IL12B: variants seen among roughly 807,000 people sequenced by gnomAD.
The protein encoded by IL12B is interleukin 12B.
Under a neutral mutation model 39.2 loss-of-function variants are expected in IL12B, and 27 were observed. That is an observed-to-expected ratio of 0.69 (90% CI 0.51 to 0.95). The LOEUF (loss-of-function observed/expected upper bound fraction) is 0.95. IL12B is among the 40% of genes least tolerant of loss of function. The pLI is 0.00. For missense variants in IL12B, 351 were observed against 397.6 expected (o/e 0.88, Z 1.00); for synonymous variants, 142 against 152.1 (o/e 0.93, Z 0.49).
intron 2 of IL12B, among the ~76,000 whole-genome samples, chr5:159,324,658 T>G (rs2113032778): frequency 6.6e-6 from 1 of 152,326 alleles, no homozygotes; most frequent in East Asian, 1.9e-4. Flanking sequence ...CTTGTGGCCT[T>G]TGGCAAGACA....
intron 3 of IL12B, 105 bp downstream of exon 3, chr5:159,322,948 AT>A: frequency 9.0e-7 from 1 of 1,112,840 alleles, no homozygotes; most frequent in Admixed American, 1.8e-5. Context: ...CTTGATGTTA[AT>A]TCATTACACT....
At chr5:159,321,661 T>C (rs1295238058) in intron 4 of IL12B, among the ~76,000 whole-genome samples, 2 of 152,142 alleles carry the variant, frequency 1.3e-5, no homozygotes, top group Admixed American at 6.5e-5. Context: ...CCTCTGCTGA[T>C]TATGTCTTTA....
At chr5:159,326,301 G>T (rs1754187555) in intron 2 of IL12B, among the ~76,000 whole-genome samples, 1 of 152,208 alleles carries the variant, frequency 6.6e-6, no homozygotes, top group Non-Finnish European at 1.5e-5. Flanking sequence ...AGTCATCACA[G>T]TGCCAACTGA....
At chr5:159,318,614 T>G (rs1326624601) in intron 6 of IL12B, 122 bp downstream of exon 6, 2 of 937,834 alleles carry the variant, frequency 2.1e-6, no homozygotes, top group Admixed American at 1.7e-5. Flanking sequence ...TTTCTCAGAA[T>G]GTATCCCTGT....
intron 2 of IL12B, among the ~76,000 whole-genome samples, chr5:159,323,535 T>A (rs3213095): frequency 0.013 from 1,928 of 152,316 alleles, 42 homozygotes; most frequent in African/African-American, 0.044. Flanking sequence ...GTTTTATAGC[T>A]GCCATCGACT....
At chr5:159,324,643 C>T (rs1754157495) in intron 2 of IL12B, among the ~76,000 whole-genome samples, 1 of 152,210 alleles carries the variant, frequency 6.6e-6, no homozygotes. Context: ...AGCCCTTGCT[C>T]CAGTCTTGTG....
rs757104946 is a variant in IL12B, at chr5:159,316,674, G to GGCCT, written c.*7_*10dup. 3.1e-6 allele frequency: 5 copies of GGCCT among 1,610,016 alleles called. No individual in the cohort carries two copies. Among genetic ancestry groups the GGCCT allele is most frequent in the Non-Finnish European group, 4.2e-6 (5 of 1,178,416 alleles). On this transcript the variant is annotated intron_variant, in intron 7 of 7. Coordinates refer to ENST00000231228, the MANE Select transcript of IL12B (RefSeq NM_002187.3). Reference sequence around the variant, plus strand: ...GTGCAGGCCTGGGCTGGCCTTTGAGGGCCTGCTCACCTAACTGCAGGGCAC... The same window carrying GGCCT: ...GTGCAGGCCTGGGCTGGCCTTTGAGGGCCTGCCTGCTCACCTAACTGCAGGGCAC...
rs1753976850 is a variant in IL12B, at chr5:159,315,610, A to G, written c.*491T>C. ...CCATGTAAGTATCTCTTGCGTTCCC[A>G]TCCATCACAAGTGTATGATGGCACT... is the stretch of plus-strand genomic sequence containing the variant. On this transcript the variant is annotated 3_prime_UTR_variant, in exon 8 of 8. Transcript: ENST00000231228. 1 of 152,788 alleles carries G rather than the reference A, an allele frequency of 6.5e-6. No individual in the cohort carries two copies. The allele number at this position is 152,788 out of a possible 1,614,324, so 9.5% of individuals were successfully genotyped here.
intron 2 of IL12B, among the ~76,000 whole-genome samples, chr5:159,323,957 T>G (rs1754145421): frequency 6.6e-6 from 1 of 151,204 alleles, no homozygotes; most frequent in South Asian, 2.1e-4. Context: ...CACAGTAAAT[T>G]CGGTGTTAGT....
chr5:159,321,004 C>CTTT lies in IL12B; in HGVS notation c.483-487_483-485dup, dbSNP rs200905119. ...TCTTTTTCTTTCTCTCTCTCTCTCTCTTTTTTTTTTTAAGAGACAGGGTTT... is the reference window on the plus strand; with the variant it reads ...TCTTTTTCTTTCTCTCTCTCTCTCTCTTTTTTTTTTTTTTAAGAGACAGGGTTT... On this transcript the variant is annotated intron_variant, in intron 4 of 7. Transcript: ENST00000231228. Among the ~76,000 whole-genome samples, 14 of 142,168 alleles carry CTTT rather than the reference C, an allele frequency of 9.8e-5. 1 individual carries two copies. Among genetic ancestry groups the CTTT allele is most frequent in the East Asian group, 6.3e-4 (3 of 4,796 alleles). The allele number at this position is 142,168 out of a possible 152,430, so 93.3% of individuals were successfully genotyped here.
intron 1 of IL12B, among the ~76,000 whole-genome samples, chr5:159,327,237 G>A (rs537862092): frequency 1.4e-4 from 22 of 152,288 alleles, no homozygotes; most frequent in African/African-American, 5.1e-4. Context: ...CCTGGATCCC[G>A]CTTCCTAGGA....
intron 6 of IL12B, among the ~76,000 whole-genome samples, chr5:159,317,170 C>G (rs530273402): frequency 1.3e-5 from 2 of 152,194 alleles, no homozygotes; most frequent in Non-Finnish European, 2.9e-5. Context: ...TTGAGAAATA[C>G]CATATCCTGA....
In IL12B at chr5:159,315,484, T is replaced by C. The variant is rs1241415980; in HGVS notation, c.*617A>G. ...ACTTGCTTAGAAGTGTAAGTGGCCCTAAATTGCTTTATCAACACCATCTCC... is the reference window on the plus strand; with the variant it reads ...ACTTGCTTAGAAGTGTAAGTGGCCCCAAATTGCTTTATCAACACCATCTCC... On this transcript the variant is annotated 3_prime_UTR_variant, in exon 8 of 8. Transcript: ENST00000231228. The C allele has an allele frequency of 1.3e-5, 2 of 152,382 alleles. No individual in the cohort carries two copies. The highest frequency in any genetic ancestry group is 2.9e-5 in the Non-Finnish European group (2 of 68,038). The allele number at this position is 152,382 out of a possible 1,614,324, so 9.4% of individuals were successfully genotyped here. A position where few individuals can be genotyped will look rare whatever the true frequency, so the allele number is the denominator to read the frequency against.
intron 7 of IL12B, 122 bp from the exon 8 acceptor site, chr5:159,316,222 G>GC (rs3213111): frequency 0.26 from 46,467 of 176,540 alleles, 6,904 homozygotes; most frequent in East Asian, 0.46. Flanking sequence ...GAAGGCCCAG[G>GC]CCTTCCTTAT....
chr5:159,329,812 C>CT (rs961646635), intron 1 of IL12B, among the ~76,000 whole-genome samples: 1 of 151,912 alleles, frequency 6.6e-6, no homozygotes, highest in Non-Finnish European at 1.5e-5. Context: ...GTAAAAAAAC[C>CT]TTTTTTTCCC....
At chr5:159,323,730 A>G (rs1368489596) in intron 2 of IL12B, among the ~76,000 whole-genome samples, 1 of 152,168 alleles carries the variant, frequency 6.6e-6, no homozygotes. Context: ...AGAGTAACAT[A>G]GTGGTTAAAA....
intron 6 of IL12B, among the ~76,000 whole-genome samples, chr5:159,317,730 G>T (rs1754012896): frequency 6.6e-6 from 1 of 152,166 alleles, no homozygotes; most frequent in Admixed American, 6.5e-5. Flanking sequence ...ATAATATCTG[G>T]AACAGCCAGG....
chr5:159,324,562 A>T (rs1754156419), intron 2 of IL12B, among the ~76,000 whole-genome samples: 1 of 152,178 alleles, frequency 6.6e-6, no homozygotes, highest in East Asian at 1.9e-4. Flanking sequence ...ATGCCTGCTC[A>T]AGTTTATGAG....
chr5:159,316,735 G>T lies in IL12B; in HGVS notation c.937C>A (p.Arg313Ser). ...NASISVRAQDRYYSSSWSEWA... is the reference protein window; with the variant it reads ...NASISVRAQDSYYSSSWSEWA... ...TCGCTCCAAGATGAGCTATAGTAGC[G>T]GTCCTGGGCCCGCACGCTAATGCTG... Residue 313 changes from arginine (R) to serine (S), a missense_variant, in exon 7 of 8, where the codon CGC becomes AGC. Arg to Ser is a moderately radical substitution (Grantham distance 110, BLOSUM62 -1). Transcript: ENST00000231228. 1 of 1,614,112 alleles carries T rather than the reference G, an allele frequency of 6.2e-7. No individual in the cohort carries two copies. Among genetic ancestry groups the T allele is most frequent in the Non-Finnish European group, 8.5e-7 (1 of 1,180,036 alleles).
Sources: allele counts gnomAD v4.1 joint callset (sites outside exome capture counted in the v4.1 genomes callset), GRCh38; gene constraint gnomAD v4.1.1; transcripts MANE v1.5; gene names NCBI Gene and HGNC (gene_info 2026-07-23, HGNC 2026-07-21).